NTSR1: variants seen among roughly 807,000 people sequenced by gnomAD.
NTSR1 encodes neurotensin receptor 1.
A neutral mutation model predicts 31.2 loss-of-function variants in NTSR1; 29 were observed. The ratio of observed to expected loss-of-function variants is 0.93; its 90% CI spans 0.69 to 1.27. NTSR1 has a LOEUF of 1.27. Among genes scored for constraint, NTSR1 ranks in the 50% most tolerant of loss-of-function variants. NTSR1 has a pLI of 0.00. For missense variants in NTSR1, 697 were observed against 595.4 expected (o/e 1.17, Z -1.78); for synonymous variants, 282 against 269.9 (o/e 1.04, Z -0.44).
intron 1 of NTSR1, among the ~76,000 whole-genome samples, chr20:62,747,334 G>GATAAGAAGTAGAAAGCTT (rs1568708299): frequency 2.3e-5 from 3 of 131,488 alleles, no homozygotes. Context: ...CACACTCAGT[G>GATAAGAAGTAGAAAGCTT]TAAAGGCCAC....
intron 1 of NTSR1, among the ~76,000 whole-genome samples, chr20:62,735,684 TG>T (rs1356690447): frequency 4.6e-5 from 7 of 152,150 alleles, no homozygotes; most frequent in Non-Finnish European, 7.4e-5. Flanking sequence ...CTCCCTGGCT[TG>T]GGGGGTGGGT....
intron 1 of NTSR1, among the ~76,000 whole-genome samples, chr20:62,727,874 C>A (rs1369205516): frequency 2.0e-5 from 3 of 152,248 alleles, no homozygotes; most frequent in Non-Finnish European, 4.4e-5. Flanking sequence ...GCCAAGTGGG[C>A]AAAGGGACAG....
chr20:62,729,222 C>T (rs965744474), intron 1 of NTSR1, among the ~76,000 whole-genome samples: 2 of 152,248 alleles, frequency 1.3e-5, no homozygotes, highest in African/African-American at 4.8e-5. Context: ...CAAAGCCACT[C>T]CTCCCAACTT....
chr20:62,733,165 G>C lies in NTSR1; in HGVS notation c.715-21520G>C, dbSNP rs1232651250. 1 of 152,072 alleles carries C rather than the reference G, an allele frequency of 6.6e-6. No homozygotes were observed. The highest frequency in any genetic ancestry group is 1.5e-5 in the Non-Finnish European group (1 of 68,020). 9.4% of individuals were successfully genotyped at this position (152,072 alleles called of 1,614,324 possible). A position where few individuals can be genotyped will look rare whatever the true frequency, so the allele number is the denominator to read the frequency against. ...TAAATGTCATCGGCAGTGTGTAGAC[G>C]TTCTTTCGGAAGAAGATCTGTCAGA... On this transcript the variant is annotated intron_variant, in intron 1 of 3. Transcript: ENST00000370501. This position sits in a 1 kb window ranked among gnomAD's most constrained non-coding sequence, Gnocchi z 5.2.
intron 1 of NTSR1, among the ~76,000 whole-genome samples, chr20:62,729,626 ATTTT>A (rs36003279): frequency 0.074 from 9,054 of 122,766 alleles, 350 homozygotes; most frequent in African/African-American, 0.13. Context: ...GGGGTTTCTA[ATTTT>A]TTTTTTTTTT....
chr20:62,731,327 A>G (rs1482000014), intron 1 of NTSR1, among the ~76,000 whole-genome samples: 1 of 151,956 alleles, frequency 6.6e-6, no homozygotes, highest in African/African-American at 2.4e-5. Flanking sequence ...CAGGTGATCC[A>G]CCCGCCTTGG....
chr20:62,737,523 G>A (rs1179525204), intron 1 of NTSR1, among the ~76,000 whole-genome samples: 1 of 152,154 alleles, frequency 6.6e-6, no homozygotes, highest in Non-Finnish European at 1.5e-5. Flanking sequence ...GCAGGGAGGG[G>A]CCGAGCATGG....
Position 62,754,897 on chromosome 20 carries a change from T to C in NTSR1, c.916+11T>C. On this transcript the variant is annotated intron_variant, in intron 2 of 3. Transcript: ENST00000370501. Reference sequence around the variant, plus strand: ...GCGTGCGCGTCCTACGTACGTAACCTCTGGGCCCTCCAGGGGCGGGAGGCA... The same window carrying C: ...GCGTGCGCGTCCTACGTACGTAACCCCTGGGCCCTCCAGGGGCGGGAGGCA... 1 of 1,581,710 alleles carries C rather than the reference T, an allele frequency of 6.3e-7. No homozygotes were observed. The highest frequency in any genetic ancestry group is 8.6e-7 in the Non-Finnish European group (1 of 1,167,344).
intron 2 of NTSR1, among the ~76,000 whole-genome samples, chr20:62,755,999 G>A (rs933879235): frequency 2.0e-5 from 3 of 147,362 alleles, no homozygotes; most frequent in African/African-American, 5.1e-5. Flanking sequence ...ACTTGCTCAC[G>A]TGCTCACTTA....
chr20:62,721,980 C>T (rs1988833485), intron 1 of NTSR1, among the ~76,000 whole-genome samples: 1 of 152,196 alleles, frequency 6.6e-6, no homozygotes, highest in African/African-American at 2.4e-5. Flanking sequence ...TTCTCACTTC[C>T]ACCTTGATGT....
At chr20:62,740,611 C>A (rs572479537) in intron 1 of NTSR1, among the ~76,000 whole-genome samples, 1 of 152,322 alleles carries the variant, frequency 6.6e-6, no homozygotes, top group African/African-American at 2.4e-5. Flanking sequence ...CAGGGGAGCC[C>A]CCACCTGGCC....
At chr20:62,734,498 G>A (rs1989052464) in intron 1 of NTSR1, among the ~76,000 whole-genome samples, 1 of 152,228 alleles carries the variant, frequency 6.6e-6, no homozygotes, top group South Asian at 2.1e-4. Flanking sequence ...CACGCCCTGT[G>A]TCCGGGGCTG....
At chr20:62,728,414 G>A (rs377665634) in intron 1 of NTSR1, among the ~76,000 whole-genome samples, 17 of 152,194 alleles carry the variant, frequency 1.1e-4, no homozygotes, top group African/African-American at 4.1e-4. Context: ...CACTACTGGT[G>A]ATGAACAGAC....
At chr20:62,724,875 C>T (rs1165541754) in intron 1 of NTSR1, among the ~76,000 whole-genome samples, 1 of 152,196 alleles carries the variant, frequency 6.6e-6, no homozygotes, top group Non-Finnish European at 1.5e-5. Flanking sequence ...TCTGTCTCCA[C>T]GTGGCTTCCC....
At chr20:62,726,708 A>AAC (rs10676029) in intron 1 of NTSR1, among the ~76,000 whole-genome samples, 1 of 151,640 alleles carries the variant, frequency 6.6e-6, no homozygotes, top group Non-Finnish European at 1.5e-5. Context: ...AAAAAAAAAA[A>AAC]ATGGTGGGAA....
In NTSR1 at chr20:62,741,198, A is replaced by G. The variant is rs1989200097; in HGVS notation, c.715-13487A>G. Among the ~76,000 whole-genome samples the G allele has an allele frequency of 6.6e-6, 1 of 151,328 alleles. No homozygotes were observed. On this transcript the variant is annotated intron_variant, in intron 1 of 3. Transcript: ENST00000370501. The surrounding 1 kb of genome is among the most constrained non-coding windows in gnomAD (Gnocchi z 4.3). The stretch of plus-strand genomic sequence containing the variant: ...CTCCCGGCAGCCAGGCTGCTAAGTC[A>G]GGGGTCTCCCGGCAGCCAGGCTGCT...
intron 1 of NTSR1, among the ~76,000 whole-genome samples, chr20:62,728,362 C>A (rs1347716794): frequency 6.6e-6 from 1 of 152,186 alleles, no homozygotes; most frequent in Non-Finnish European, 1.5e-5. Flanking sequence ...GTGTGTGCGG[C>A]AGCCCCACCC....
chr20:62,711,144 G>C lies in NTSR1; in HGVS notation c.714+1223G>C, dbSNP rs574797517. 1.3e-4 allele frequency among the ~76,000 whole-genome samples: 20 copies of C among 152,230 alleles called. No individual in the cohort carries two copies. Among genetic ancestry groups the C allele is most frequent in the African/African-American group, 4.8e-4 (20 of 41,560 alleles). ...CCACTGGCCACCACCCAGGTGGGCT[G>C]GGGGGTGGAGGAGGGTAGAACTGAG... On this transcript the variant is annotated intron_variant, in intron 1 of 3. Coordinates refer to ENST00000370501, the MANE Select transcript of NTSR1 (RefSeq NM_002531.3). The surrounding 1 kb of genome is among the most constrained non-coding windows in gnomAD (Gnocchi z 6.4).
chr20:62,748,743 G>C (rs1312344881), intron 1 of NTSR1, among the ~76,000 whole-genome samples: 1 of 152,158 alleles, frequency 6.6e-6, no homozygotes, highest in East Asian at 1.9e-4. Flanking sequence ...GATGGGATCT[G>C]TGAGGACTGG....
Sources: gnomAD v4.1 joint callset for allele counts (sites outside exome capture counted in the v4.1 genomes callset) on GRCh38, gnomAD v4.1.1 for gene constraint, Gnocchi (gnomAD v3.1) non-coding constraint, MANE v1.5 for transcripts, NCBI Gene and HGNC (gene_info 2026-07-23, HGNC 2026-07-21) for gene names.